Variants in ZCCHC14 observed in about 807,000 individuals in gnomAD.
ZCCHC14 encodes the protein zinc finger CCHC-type containing 14, also known as zinc finger CCHC domain-containing protein 14.
A neutral mutation model predicts 85.0 loss-of-function variants in ZCCHC14; 16 were observed. The ratio of observed to expected loss-of-function variants is 0.19; its 90% CI spans 0.13 to 0.29. The LOEUF (loss-of-function observed/expected upper bound fraction) is 0.29, where lower values mean the gene tolerates loss of function less well. Ranked by LOEUF, ZCCHC14 falls within the 10% of genes least tolerant of loss-of-function variation. The pLI, the probability that ZCCHC14 is intolerant of heterozygous loss-of-function variation, is 1.00. For missense variants in ZCCHC14, 1,303 were observed against 1,443.5 expected (o/e 0.90, Z 1.58); for synonymous variants, 775 against 630.7 (o/e 1.23, Z -3.43).
At chr16:87,419,547 C>T (rs1292410605) in intron 6 of ZCCHC14, among the ~76,000 whole-genome samples, 6 of 152,160 alleles carry the variant, frequency 3.9e-5, no homozygotes, top group African/African-American at 1.2e-4. Flanking sequence ...GTGATCCACC[C>T]GCCTCAGCCT....
At chr16:87,430,075 T>G (rs1909574181) in intron 3 of ZCCHC14, among the ~76,000 whole-genome samples, 1 of 152,250 alleles carries the variant, frequency 6.6e-6, no homozygotes, top group Non-Finnish European at 1.5e-5. Flanking sequence ...ATATTCTAAT[T>G]CATCGATGTT....
At chr16:87,471,895 A>AGCCCCTCCTTGCCCTCCTG (rs1248261491) in intron 1 of ZCCHC14, 1 of 152,324 alleles carries the variant, frequency 6.6e-6, no homozygotes, top group Non-Finnish European at 1.5e-5. Context: ...CTGCCTTCCT[A>AGCCCCTCCTTGCCCTCCTG]GCCCCTCCTT....
In ZCCHC14 at chr16:87,491,078, C is replaced by T. The variant is rs559853370; in HGVS notation, c.570+591G>A. On this transcript the variant is annotated intron_variant, in intron 1 of 12. Coordinates refer to ENST00000671377, the MANE Select transcript of ZCCHC14 (RefSeq NM_015144.3). The surrounding 1 kb of genome is among the most constrained non-coding windows in gnomAD (Gnocchi z 5.9). ...TACCAGATTTGGGGAAACCAAGGCGCCGCAATGTGTGTTATCTGTCACCCA... is the reference window on the plus strand; with the variant it reads ...TACCAGATTTGGGGAAACCAAGGCGTCGCAATGTGTGTTATCTGTCACCCA... Among the ~76,000 whole-genome samples the T allele has an allele frequency of 6.6e-6, 1 of 152,258 alleles. No homozygotes were observed. The highest frequency in any genetic ancestry group is 1.9e-4 in the East Asian group (1 of 5,198).
At chr16:87,433,280 C>T (rs1909754411) in intron 2 of ZCCHC14, 79 bp from the exon 3 acceptor site, 2 of 1,409,310 alleles carry the variant, frequency 1.4e-6, no homozygotes, top group Non-Finnish European at 1.9e-6. Context: ...TGATATTCAG[C>T]AGTTTTCAAA....
chr16:87,441,830 G>A (rs956993484), intron 2 of ZCCHC14, among the ~76,000 whole-genome samples: 10 of 152,212 alleles, frequency 6.6e-5, no homozygotes, highest in Non-Finnish European at 7.3e-5. Context: ...CTATGAAAAC[G>A]TAGTGTTGGG....
chr16:87,421,113 C>T (rs931952112), intron 4 of ZCCHC14, among the ~76,000 whole-genome samples: 20 of 152,372 alleles, frequency 1.3e-4, no homozygotes, highest in African/African-American at 4.6e-4. Flanking sequence ...CACAGGCTGA[C>T]GTGGCCAACA....
At chr16:87,431,859 G>A (rs771229001) in intron 3 of ZCCHC14, among the ~76,000 whole-genome samples, 1 of 152,142 alleles carries the variant, frequency 6.6e-6, no homozygotes, top group South Asian at 2.1e-4. Flanking sequence ...CCTGGGCTCC[G>A]CCTGGGCTGC....
At chr16:87,473,185 G>C (rs1911851186) in intron 1 of ZCCHC14, 1 of 151,716 alleles carries the variant, frequency 6.6e-6, no homozygotes, top group Non-Finnish European at 1.5e-5. Flanking sequence ...ATTCCCTGAG[G>C]TTATCTTTAT....
rs894021840 is a variant in ZCCHC14 at position 87,467,279 on chromosome 16, G to C, written c.571-7148C>G. ...TAAACCCAAAATTAAGGATAATGGA[G>C]ATCTGGTTTTTATCAAGCCTCAATA... On this transcript the variant is annotated intron_variant, in intron 1 of 12. Coordinates refer to ENST00000671377, the MANE Select transcript of ZCCHC14 (RefSeq NM_015144.3). 4 of 1,578,170 alleles carry C rather than the reference G, an allele frequency of 2.5e-6. No homozygotes were observed. The African/African-American group carries it at 5.4e-5, about 21-fold the overall frequency.
rs1567504431 is a variant in ZCCHC14 at position 87,407,567 on chromosome 16, C to T, written c.*2713G>A. 6.6e-6 allele frequency: 1 copy of T among 152,176 alleles called. No individual in the cohort carries two copies. The highest frequency in any genetic ancestry group is 1.5e-5 in the Non-Finnish European group (1 of 68,036). The allele number at this position is 152,176 out of a possible 1,614,324, so 9.4% of individuals were successfully genotyped here. Reference sequence around the variant, plus strand: ...CAAACATCACGTTCTGCTTCCATCTCTACATTCCACTTTCCCCATTCTTGG... The same window carrying T: ...CAAACATCACGTTCTGCTTCCATCTTTACATTCCACTTTCCCCATTCTTGG... On this transcript the variant is annotated 3_prime_UTR_variant, in exon 13 of 13. Coordinates refer to ENST00000671377, the MANE Select transcript of ZCCHC14 (RefSeq NM_015144.3).
chr16:87,484,886 G>A (rs1277216503), intron 1 of ZCCHC14, among the ~76,000 whole-genome samples: 1 of 152,100 alleles, frequency 6.6e-6, no homozygotes, highest in Non-Finnish European at 1.5e-5. Context: ...ATTGAAGGAG[G>A]GAGATAGAAA....
chr16:87,486,745 A>C (rs756601111), intron 1 of ZCCHC14, among the ~76,000 whole-genome samples: 2 of 152,358 alleles, frequency 1.3e-5, no homozygotes, highest in Non-Finnish European at 2.9e-5. Context: ...CAACAACAAA[A>C]AAAGCAATGT....
intron 2 of ZCCHC14, among the ~76,000 whole-genome samples, chr16:87,435,532 G>A (rs1311261839): frequency 6.6e-6 from 1 of 152,250 alleles, no homozygotes; most frequent in African/African-American, 2.4e-5. Context: ...CTGACTCCCT[G>A]TATCTGCAGA....
intron 3 of ZCCHC14, 95 bp from the exon 4 acceptor site, chr16:87,423,976 G>A (rs115018597): frequency 1.0e-5 from 14 of 1,367,228 alleles, no homozygotes; most frequent in African/African-American, 5.8e-5. Context: ...ACGTTCAGTC[G>A]GCAGCTGAGC....
chr16:87,480,061 C>G (rs972867345), intron 1 of ZCCHC14, among the ~76,000 whole-genome samples: 17 of 151,834 alleles, frequency 1.1e-4, no homozygotes, highest in African/African-American at 4.1e-4. Context: ...AGGTGTGAGC[C>G]AGTGCACCTG....
rs1189292678 is a variant in ZCCHC14 at position 87,473,955 on chromosome 16, ACAAG to A, written c.571-13828_571-13825del. The A allele has an allele frequency of 3.3e-5, 5 of 152,166 alleles. 1 individual carries two copies. Among genetic ancestry groups the A allele is most frequent in the Admixed American group, 1.3e-4 (2 of 15,260 alleles). 9.4% of individuals were successfully genotyped at this position (152,166 alleles called of 1,614,324 possible). A position where few individuals can be genotyped will look rare whatever the true frequency, so the allele number is the denominator to read the frequency against. ...GTCTTCTTGGGACACCCTATTATGA[ACAAG>A]GCATCGCTGCTTCAGAGCCAGGGTC... is the stretch of plus-strand genomic sequence containing the variant. On this transcript the variant is annotated intron_variant, in intron 1 of 12. Coordinates refer to ENST00000671377, the MANE Select transcript of ZCCHC14 (RefSeq NM_015144.3).
At chr16:87,463,584 C>T (rs1048296872) in intron 1 of ZCCHC14, among the ~76,000 whole-genome samples, 2 of 152,030 alleles carry the variant, frequency 1.3e-5, no homozygotes, top group Non-Finnish European at 1.5e-5. Flanking sequence ...TCTGGGAGGC[C>T]GAGGCGGACA....
At chr16:87,422,800 G>T (rs1165796401) in intron 4 of ZCCHC14, among the ~76,000 whole-genome samples, 1 of 151,990 alleles carries the variant, frequency 6.6e-6, no homozygotes, top group Non-Finnish European at 1.5e-5. Flanking sequence ...AGTTCCAGCC[G>T]GCAGGAGTGG....
chr16:87,439,480 C>G (rs4315335), intron 2 of ZCCHC14, among the ~76,000 whole-genome samples: 37 of 152,240 alleles, frequency 2.4e-4, no homozygotes, highest in African/African-American at 8.9e-4. Flanking sequence ...CCTTGGCATT[C>G]TGCCTTAATG....
Sources: gnomAD v4.1 joint callset for allele counts (sites outside exome capture counted in the v4.1 genomes callset) on GRCh38, gnomAD v4.1.1 for gene constraint, Gnocchi (gnomAD v3.1) non-coding constraint, MANE v1.5 for transcripts, NCBI Gene and HGNC (gene_info 2026-07-23, HGNC 2026-07-21) for gene names.